CNTN6: variants seen among roughly 807,000 people sequenced by gnomAD.
The protein encoded by CNTN6 is contactin 6.
In CNTN6, 137 loss-of-function variants were observed where a neutral mutation model predicts 122.8. The ratio of observed to expected loss-of-function variants is 1.12; its 90% confidence interval spans 0.97 to 1.29. The LOEUF is 1.29. CNTN6 is among the 50% of genes most tolerant of loss of function. The pLI is 0.00. For missense variants in CNTN6, 1,634 were observed against 1,223.4 expected (o/e 1.34, Z -5.01); for synonymous variants, 570 against 426.0 (o/e 1.34, Z -4.16).
At chr3:1,270,174 G>T (rs141257724) in intron 4 of CNTN6, among the ~76,000 whole-genome samples, 1 of 152,170 alleles carries the variant, frequency 6.6e-6, no homozygotes, top group South Asian at 2.1e-4. Flanking sequence ...GGTGGAAAAT[G>T]AAACTGGTTT....
chr3:1,148,912 T>C (rs2092780030), intron 2 of CNTN6, among the ~76,000 whole-genome samples: 1 of 152,142 alleles, frequency 6.6e-6, no homozygotes, highest in South Asian at 2.1e-4. Flanking sequence ...TGGGTTCTTT[T>C]ACATGGTGGC....
chr3:1,165,381 A>C (rs3772368), intron 2 of CNTN6, among the ~76,000 whole-genome samples: 30,588 of 152,044 alleles, frequency 0.2, 3,775 homozygotes, highest in South Asian at 0.44. Flanking sequence ...TCATTTTGCA[A>C]ATGAGTTTCA....
intron 20 of CNTN6, among the ~76,000 whole-genome samples, chr3:1,391,432 AC>A (rs1478397899): frequency 1.0e-5 from 1 of 97,058 alleles, no homozygotes; most frequent in Non-Finnish European, 2.0e-5. Context: ...TCTATGACAA[AC>A]CCACAGCCAA....
At chr3:1,386,366 T>C (rs1024712927) in intron 20 of CNTN6, among the ~76,000 whole-genome samples, 5 of 152,150 alleles carry the variant, frequency 3.3e-5, no homozygotes, top group African/African-American at 1.2e-4. Context: ...ACAGCTTACT[T>C]GGAAGTCCCT....
intron 1 of CNTN6, among the ~76,000 whole-genome samples, chr3:1,140,227 T>C (rs1012591086): frequency 4.6e-5 from 7 of 152,298 alleles, no homozygotes; most frequent in South Asian, 2.1e-4. Context: ...GTATTCTGAT[T>C]TATATAAATA....
chr3:1,168,926 A>G (rs759227468), intron 2 of CNTN6, among the ~76,000 whole-genome samples: 6 of 152,208 alleles, frequency 3.9e-5, no homozygotes, highest in South Asian at 2.1e-4. Context: ...GAATCAAACT[A>G]TATTGCTGAT....
chr3:1,174,494 T>A (rs1348239165), intron 2 of CNTN6, among the ~76,000 whole-genome samples: 1 of 152,216 alleles, frequency 6.6e-6, no homozygotes, highest in East Asian at 1.9e-4. Flanking sequence ...TCCTGTCAGA[T>A]CTTCTGTCGT....
At chr3:1,373,892 A>G (rs748360438) in intron 15 of CNTN6, 32 bp from the exon 16 acceptor site, 1 of 1,591,334 alleles carries the variant, frequency 6.3e-7, no homozygotes, top group Admixed American at 1.7e-5. Flanking sequence ...AGTAGTCCCA[A>G]CCTAGGTGCC....
chr3:1,401,741 G>A (rs1021676082), intron 21 of CNTN6, among the ~76,000 whole-genome samples, 196 bp downstream of exon 21: 5 of 151,858 alleles, frequency 3.3e-5, no homozygotes, highest in Non-Finnish European at 1.5e-5. Context: ...AATGTATTAG[G>A]GAACATCAAT....
chr3:1,132,523 G>A (rs2092363255), intron 1 of CNTN6, among the ~76,000 whole-genome samples: 1 of 151,906 alleles, frequency 6.6e-6, no homozygotes, highest in Non-Finnish European at 1.5e-5. Context: ...CAAGGAGTTT[G>A]AGAATAGCCT....
chr3:1,122,369 A>AG lies in CNTN6; in HGVS notation c.-82-25556dup, dbSNP rs2091983889. Among the ~76,000 whole-genome samples, 14 of 144,346 alleles carry AG rather than the reference A, an allele frequency of 9.7e-5. 1 individual carries two copies. Among genetic ancestry groups the AG allele is most frequent in the African/African-American group, 4.0e-4 (14 of 35,068 alleles). The allele number at this position is 144,346 out of a possible 152,430, so 94.7% of individuals were successfully genotyped here. On this transcript the variant is annotated intron_variant, in intron 1 of 22. Transcript: ENST00000446702. The stretch of plus-strand genomic sequence containing the variant: ...GAGGGAAGGAGGGAAGGAGGAAGGA[A>AG]GGAAGGAAGGGAGGAATGAAGGAGG...
chr3:1,093,721 A>C (rs2090364984), intron 1 of CNTN6, among the ~76,000 whole-genome samples: 1 of 152,124 alleles, frequency 6.6e-6, no homozygotes, highest in African/African-American at 2.4e-5. Context: ...CAGCCTCTGG[A>C]GTTTCCTTTA....
At position 1,259,446 on chromosome 3, in the gene CNTN6, C is replaced by T. The variant is rs9815195; in HGVS notation, c.359-18967C>T. ...AGTTTTTTTTGTTTTTAATTAATGA[C>T]GTGTCACATATGTTTCAGCTTACTA... On this transcript the variant is annotated intron_variant, in intron 4 of 22. Transcript: ENST00000446702. Among the ~76,000 whole-genome samples, 9 of 151,894 alleles carry T rather than the reference C, an allele frequency of 5.9e-5. No individual in the cohort carries two copies. In the South Asian group the frequency reaches 1.9e-3, roughly 32 times the overall value.
At chr3:1,151,145 T>G (rs1846466) in intron 2 of CNTN6, among the ~76,000 whole-genome samples, 37,984 of 152,100 alleles carry the variant, frequency 0.25, 6,716 homozygotes, top group African/African-American at 0.51. Context: ...CATAACATTT[T>G]TGGTAACTTT....
intron 5 of CNTN6, among the ~76,000 whole-genome samples, chr3:1,291,647 C>G (rs1489948539): frequency 6.6e-6 from 1 of 152,166 alleles, no homozygotes; most frequent in African/African-American, 2.4e-5. Context: ...GGAATCTGAA[C>G]TACATTCTTT....
At chr3:1,124,117 T>A (rs959232645) in intron 1 of CNTN6, among the ~76,000 whole-genome samples, 2 of 151,890 alleles carry the variant, frequency 1.3e-5, no homozygotes, top group Admixed American at 6.6e-5. Flanking sequence ...ATTAGCAATG[T>A]CAAGATATTT....
At chr3:1,314,053 C>T (rs1041834415) in intron 7 of CNTN6, among the ~76,000 whole-genome samples, 5 of 152,036 alleles carry the variant, frequency 3.3e-5, no homozygotes, top group African/African-American at 7.2e-5. Context: ...CATTCATTTC[C>T]TAGTAGGGAC....
At chr3:1,126,421 C>A (rs1240926717) in intron 1 of CNTN6, among the ~76,000 whole-genome samples, 1 of 151,790 alleles carries the variant, frequency 6.6e-6, no homozygotes, top group Non-Finnish European at 1.5e-5. Flanking sequence ...TCAGTTTGAC[C>A]TTTTCCAGTC....
intron 11 of CNTN6, among the ~76,000 whole-genome samples, chr3:1,346,994 C>T (rs753823327): frequency 1.6e-4 from 25 of 152,108 alleles, no homozygotes; most frequent in Non-Finnish European, 2.8e-4. Flanking sequence ...ATTAAAATGT[C>T]GCATGTTCAG....
Sources: gnomAD v4.1 joint callset for allele counts (sites outside exome capture counted in the v4.1 genomes callset) on GRCh38, gnomAD v4.1.1 for gene constraint, MANE v1.5 for transcripts, NCBI Gene and HGNC (gene_info 2026-07-23, HGNC 2026-07-21) for gene names.